The following IL1RAPL2 variants were observed in gnomAD, a reference collection of about 807,000 sequenced individuals.
IL1RAPL2 encodes the protein interleukin 1 receptor accessory protein like 2, also known as X-linked interleukin-1 receptor accessory protein-like 2.
Under a neutral mutation model 44.1 loss-of-function variants are expected in IL1RAPL2, and 3 were observed. That is an observed-to-expected ratio of 0.07 (90% CI 0.03 to 0.18). The LOEUF is 0.18. Ranked by LOEUF, IL1RAPL2 falls within the 10% of genes least tolerant of loss-of-function variation. The probability of loss-of-function intolerance (pLI) is 1.00; values close to 1 mark genes in which losing one functional copy is unlikely to be tolerated. For synonymous variants in IL1RAPL2, 181 were observed against 178.8 expected (o/e 1.01, Z -0.10); for missense variants, 391 against 496.4 (o/e 0.79, Z 2.02).
intron 2 of IL1RAPL2, among the ~76,000 whole-genome samples, chrX:104,878,438 A>G (rs1434391482): frequency 8.9e-6 from 1 of 112,254 alleles, no homozygotes; most frequent in Non-Finnish European, 1.9e-5. Context: ...CACATTTCAA[A>G]GATACAGAAA....
chrX:105,321,976 G>A (rs1214396885), intron 5 of IL1RAPL2, among the ~76,000 whole-genome samples: 5 of 112,679 alleles, frequency 4.4e-5, no homozygotes, highest in African/African-American at 1.3e-4. Flanking sequence ...CAAGGGGCTG[G>A]GAGGAAAAGA....
At chrX:105,379,095 G>A (rs1254691134) in intron 5 of IL1RAPL2, among the ~76,000 whole-genome samples, 2 of 111,601 alleles carry the variant, frequency 1.8e-5, no homozygotes, top group African/African-American at 3.3e-5. Flanking sequence ...AAAACCATTT[G>A]TTTCCCCTAA....
intron 2 of IL1RAPL2, among the ~76,000 whole-genome samples, chrX:105,119,477 G>A (rs1262379640): frequency 2.7e-5 from 3 of 111,242 alleles, no homozygotes; most frequent in African/African-American, 9.8e-5. Context: ...TCTACAAAAT[G>A]GCTTCCTCTG....
chrX:104,787,224 T>C (rs1351594860), intron 2 of IL1RAPL2, among the ~76,000 whole-genome samples: 2 of 111,174 alleles, frequency 1.8e-5, no homozygotes, highest in Non-Finnish European at 3.8e-5. Context: ...TGGAATAAAA[T>C]GTCAGGTTGT....
intron 5 of IL1RAPL2, among the ~76,000 whole-genome samples, chrX:105,388,680 T>C (rs2035498982): frequency 9.0e-6 from 1 of 111,085 alleles, no homozygotes; most frequent in Admixed American, 9.6e-5. Context: ...CTCAGTCAAT[T>C]ACTTTAGTTC....
intron 6 of IL1RAPL2, among the ~76,000 whole-genome samples, chrX:105,710,049 C>T (rs112536093): frequency 0.045 from 5,008 of 111,386 alleles, 292 homozygotes; most frequent in African/African-American, 0.15. Context: ...AAACAATGCT[C>T]TGTCTCATCT....
intron 1 of IL1RAPL2, among the ~76,000 whole-genome samples, chrX:104,624,698 A>G (rs1929466044): frequency 8.9e-6 from 1 of 112,030 alleles, no homozygotes; most frequent in African/African-American, 3.2e-5. Context: ...TGAACATTAC[A>G]TATACATATA....
At chrX:104,894,169 G>A (rs1436807207) in intron 2 of IL1RAPL2, among the ~76,000 whole-genome samples, 1 of 111,863 alleles carries the variant, frequency 8.9e-6, no homozygotes, top group Non-Finnish European at 1.9e-5. Context: ...AGTTTGATGG[G>A]CTTCCCTTTG....
intron 2 of IL1RAPL2, among the ~76,000 whole-genome samples, chrX:104,887,435 G>C (rs1386391609): frequency 8.9e-6 from 1 of 112,186 alleles, no homozygotes; most frequent in African/African-American, 3.2e-5. Context: ...TGATGTAGTA[G>C]CAAAAAGCTG....
At chrX:105,381,336 T>C (rs1029226147) in intron 5 of IL1RAPL2, among the ~76,000 whole-genome samples, 6 of 111,957 alleles carry the variant, frequency 5.4e-5, no homozygotes, top group African/African-American at 1.9e-4. Flanking sequence ...TCAGACAGCT[T>C]CTTTCTGCCA....
chrX:104,779,281 A>G (rs2147601574), intron 2 of IL1RAPL2, among the ~76,000 whole-genome samples: 2 of 112,350 alleles, frequency 1.8e-5, no homozygotes, highest in African/African-American at 6.5e-5. Flanking sequence ...GAACCATCTG[A>G]TGGTCTGGGT....
rs756598115 is a variant in IL1RAPL2 at position 104,599,870 on chromosome X, G to T, written c.-20+32819G>T. Among the ~76,000 whole-genome samples, 701 of 111,018 alleles carry T rather than the reference G, an allele frequency of 6.3e-3. 6 individuals carry two copies. Among genetic ancestry groups the T allele is most frequent in the Non-Finnish European group, 9.5e-3 (503 of 52,977 alleles). On this transcript the variant is annotated intron_variant, in intron 1 of 10. Coordinates refer to ENST00000372582, the MANE Select transcript of IL1RAPL2 (RefSeq NM_017416.2). ...CCTTTGTGAGATGTGAGTTTTTTTT[G>T]TGTGTGTTTTATTTGGCTTTTTAAA...
chrX:105,185,093 C>G (rs1556133112), intron 2 of IL1RAPL2, among the ~76,000 whole-genome samples: 2 of 111,365 alleles, frequency 1.8e-5, no homozygotes, highest in African/African-American at 3.3e-5. Context: ...CCCACCTACA[C>G]CCTCTCCCTT....
At chrX:105,042,893 C>A (rs1318636583) in intron 2 of IL1RAPL2, among the ~76,000 whole-genome samples, 1 of 107,753 alleles carries the variant, frequency 9.3e-6, no homozygotes, top group Non-Finnish European at 1.9e-5. Flanking sequence ...GAATACTATG[C>A]AGCCATAAAA....
intron 2 of IL1RAPL2, among the ~76,000 whole-genome samples, chrX:104,762,704 G>A (rs1467822252): frequency 8.9e-6 from 1 of 112,497 alleles, no homozygotes; most frequent in Non-Finnish European, 1.9e-5. Flanking sequence ...CTGAAATTTA[G>A]CCAGAGGTTC....
intron 2 of IL1RAPL2, among the ~76,000 whole-genome samples, chrX:104,773,409 A>G (rs1464512932): frequency 1.8e-5 from 2 of 111,573 alleles, no homozygotes; most frequent in Non-Finnish European, 3.8e-5. Context: ...TTAACTGAAC[A>G]TTGATTATTT....
At chrX:104,937,405 T>C in intron 2 of IL1RAPL2, among the ~76,000 whole-genome samples, 1 of 112,134 alleles carries the variant, frequency 8.9e-6, no homozygotes. Context: ...CACAGAGCTT[T>C]CAGAGTCTTC....
chrX:104,637,494 T>C (rs916435296), intron 1 of IL1RAPL2, among the ~76,000 whole-genome samples: 8 of 110,717 alleles, frequency 7.2e-5, no homozygotes, highest in African/African-American at 2.3e-4. Flanking sequence ...GTTTCTTCTG[T>C]ACCTGGTTTG....
intron 5 of IL1RAPL2, among the ~76,000 whole-genome samples, chrX:105,306,866 C>T (rs1280470242): frequency 2.7e-5 from 3 of 110,845 alleles, no homozygotes; most frequent in East Asian, 5.7e-4. Context: ...TTCATTTTCA[C>T]GCTGCTATAA....
Sources: gnomAD v4.1 joint callset for allele counts (sites outside exome capture counted in the v4.1 genomes callset) on GRCh38, gnomAD v4.1.1 for gene constraint, MANE v1.5 for transcripts, NCBI Gene and HGNC (gene_info 2026-07-23, HGNC 2026-07-21) for gene names.